ERI3: variants seen among roughly 807,000 people sequenced by gnomAD.
ERI3 encodes ERI1 exoribonuclease family member 3.
ERI3 carries 18 observed loss-of-function variants against 44.4 expected under a neutral mutation model. That is an observed-to-expected ratio of 0.41 (90% confidence interval 0.28 to 0.60). The LOEUF (loss-of-function observed/expected upper bound fraction) is 0.60, where lower values mean the gene tolerates loss of function less well. Ranked by LOEUF, ERI3 falls within the 20% of genes least tolerant of loss-of-function variation. The pLI is 0.36. For missense variants in ERI3, 294 were observed against 435.5 expected (o/e 0.68, Z 2.89); for synonymous variants, 183 against 164.8 (o/e 1.11, Z -0.84).
At chr1:44,297,711 T>A (rs1165555152) in intron 6 of ERI3, among the ~76,000 whole-genome samples, 3 of 152,180 alleles carry the variant, frequency 2.0e-5, no homozygotes, top group Non-Finnish European at 4.4e-5. Flanking sequence ...GTGGTTTGCT[T>A]TAGCACAAAG....
chr1:44,241,539 G>A lies in ERI3; in HGVS notation c.931+6400C>T, dbSNP rs1334694632. 2.0e-5 allele frequency among the ~76,000 whole-genome samples: 3 copies of A among 152,146 alleles called. No individual in the cohort carries two copies. The highest frequency in any genetic ancestry group is 4.8e-5 in the African/African-American group (2 of 41,446). ...CTGAGTAGGAGCAGCCAGCACGCGG[G>A]TCCTGCCAGATGGATGCAATTTGCA... On this transcript the variant is annotated intron_variant, in intron 8 of 8. Coordinates refer to ENST00000372257, the MANE Select transcript of ERI3 (RefSeq NM_024066.3). This position sits in a 1 kb window ranked among gnomAD's most constrained non-coding sequence, Gnocchi z 5.6.
chr1:44,288,888 T>A (rs1382293377), intron 6 of ERI3, among the ~76,000 whole-genome samples: 1 of 151,618 alleles, frequency 6.6e-6, no homozygotes, highest in African/African-American at 2.4e-5. Context: ...GTCTGAATGC[T>A]GTACATTCCT....
At chr1:44,292,990 G>A (rs1645539534) in intron 6 of ERI3, among the ~76,000 whole-genome samples, 1 of 152,250 alleles carries the variant, frequency 6.6e-6, no homozygotes, top group African/African-American at 2.4e-5. Context: ...GAGCAAGGGA[G>A]CGGGAAGCCG....
chr1:44,328,487 G>A (rs1363769912), intron 3 of ERI3, among the ~76,000 whole-genome samples: 5 of 152,058 alleles, frequency 3.3e-5, no homozygotes, highest in African/African-American at 7.2e-5. Flanking sequence ...TCTGACGCTC[G>A]CTGAAGTCTG....
intron 6 of ERI3, among the ~76,000 whole-genome samples, chr1:44,305,903 TGTGA>T (rs1170373814): frequency 1.3e-5 from 2 of 152,244 alleles, no homozygotes; most frequent in Non-Finnish European, 2.9e-5. Context: ...ACTAACAAGT[TGTGA>T]GTGTCAATTT....
chr1:44,230,011 T>C (rs758344495), intron 8 of ERI3, among the ~76,000 whole-genome samples: 1 of 152,142 alleles, frequency 6.6e-6, no homozygotes, highest in African/African-American at 2.4e-5. Flanking sequence ...ACTCCTCCCC[T>C]TGAATCATTA....
At chr1:44,307,825 C>T (rs1055282708) in intron 6 of ERI3, among the ~76,000 whole-genome samples, 6 of 152,168 alleles carry the variant, frequency 3.9e-5, no homozygotes, top group African/African-American at 1.4e-4. Context: ...GAGCAAGGAC[C>T]TGAGTTTGAA....
chr1:44,265,021 A>G (rs944028669), intron 7 of ERI3, among the ~76,000 whole-genome samples: 1 of 152,212 alleles, frequency 6.6e-6, no homozygotes, highest in African/African-American at 2.4e-5. Context: ...CCAGGTATCC[A>G]GAGCTATCAT....
intron 3 of ERI3, among the ~76,000 whole-genome samples, chr1:44,325,748 G>A (rs770362815): frequency 6.6e-6 from 1 of 151,872 alleles, no homozygotes; most frequent in Non-Finnish European, 1.5e-5. Flanking sequence ...TGCAACCTCC[G>A]CCTCCCAGGT....
At chr1:44,313,776 C>T (rs1646023555) in intron 4 of ERI3, among the ~76,000 whole-genome samples, 1 of 152,124 alleles carries the variant, frequency 6.6e-6, no homozygotes, top group Admixed American at 6.5e-5. Context: ...CCACAGGCTC[C>T]TATCCTTCAC....
chr1:44,284,342 T>TGAGCCAGGCTCTCCTG (rs1553190137), intron 7 of ERI3, among the ~76,000 whole-genome samples: 1 of 152,144 alleles, frequency 6.6e-6, no homozygotes, highest in Non-Finnish European at 1.5e-5. Context: ...CTTCCTCACA[T>TGAGCCAGGCTCTCCTG]GAGCCAGGCT....
At chr1:44,283,224 T>C (rs1487046018) in intron 7 of ERI3, among the ~76,000 whole-genome samples, 1 of 152,100 alleles carries the variant, frequency 6.6e-6, no homozygotes, top group Non-Finnish European at 1.5e-5. Context: ...ATGGAACTAG[T>C]TCTCAAAGAT....
At chr1:44,249,736 G>C (rs1270935445) in intron 7 of ERI3, among the ~76,000 whole-genome samples, 2 of 152,188 alleles carry the variant, frequency 1.3e-5, no homozygotes, top group Admixed American at 1.3e-4. Flanking sequence ...GAGGCAGTGA[G>C]GGAAGCAGCC....
chr1:44,309,006 C>T (rs939965635), intron 5 of ERI3, among the ~76,000 whole-genome samples: 4 of 152,128 alleles, frequency 2.6e-5, no homozygotes, highest in African/African-American at 7.2e-5. Context: ...CCCCCAATTT[C>T]GTATTTCTCC....
At chr1:44,322,810 CCAATCTG>C in intron 3 of ERI3, 1 of 1,550,098 alleles carries the variant, frequency 6.5e-7, no homozygotes, top group Non-Finnish European at 8.7e-7. Flanking sequence ...GAGAGGTGCC[CCAATCTG>C]CACCAAGTTG....
intron 3 of ERI3, among the ~76,000 whole-genome samples, chr1:44,325,155 G>C (rs1027518385): frequency 1.4e-5 from 2 of 145,446 alleles, no homozygotes; most frequent in African/African-American, 5.1e-5. Context: ...CCGGCTCAAT[G>C]TAACCTCCGC....
intron 8 of ERI3, among the ~76,000 whole-genome samples, chr1:44,227,947 T>G (rs1419143573): frequency 2.0e-5 from 3 of 152,218 alleles, no homozygotes; most frequent in Non-Finnish European, 4.4e-5. Context: ...GTGAAGTGCT[T>G]AAAACAGTAG....
At chr1:44,316,558 T>C (rs1646092001) in intron 4 of ERI3, among the ~76,000 whole-genome samples, 1 of 152,180 alleles carries the variant, frequency 6.6e-6, no homozygotes, top group South Asian at 2.1e-4. Context: ...ATCCAGTGCT[T>C]TCTCCTTTCA....
chr1:44,265,605 A>G (rs1201633638), intron 7 of ERI3, among the ~76,000 whole-genome samples: 1 of 152,202 alleles, frequency 6.6e-6, no homozygotes, highest in Non-Finnish European at 1.5e-5. Context: ...TGTTCATAAC[A>G]GCCAAAAAGT....
Sources: allele counts gnomAD v4.1 joint callset (sites outside exome capture counted in the v4.1 genomes callset), GRCh38; gene constraint gnomAD v4.1.1; non-coding constraint Gnocchi (gnomAD v3.1); transcripts MANE v1.5; gene names NCBI Gene and HGNC (gene_info 2026-07-23, HGNC 2026-07-21).